FAM13C: variants seen among roughly 807,000 people sequenced by gnomAD.
The protein encoded by FAM13C is protein FAM13C.
Under a neutral mutation model 73.2 loss-of-function variants are expected in FAM13C, and 37 were observed. The observed-to-expected ratio is 0.51, with a 90% CI of 0.39 to 0.67. The LOEUF (loss-of-function observed/expected upper bound fraction) is 0.67. FAM13C is among the 30% of genes least tolerant of loss of function. FAM13C has a pLI of 0.00. For missense variants in FAM13C, 589 were observed against 715.6 expected (o/e 0.82, Z 2.02); for synonymous variants, 246 against 260.9 (o/e 0.94, Z 0.55).
chr10:59,352,559 T>C lies in FAM13C; in HGVS notation c.120-85A>G, dbSNP rs1056751432. On this transcript the variant is annotated intron_variant, in intron 2 of 13. Transcript: ENST00000618804. ...AGGAAAGAGGGCTGGAGATATTCAT[T>C]GCTGCTATATTTATAGGATAGACAC... 12 of 1,374,438 alleles carry C rather than the reference T, an allele frequency of 8.7e-6. No individual in the cohort carries two copies. In the African/African-American group the frequency reaches 1.6e-4, roughly 18 times the overall value. 85.1% of individuals were successfully genotyped at this position (1,374,438 alleles called of 1,614,324 possible). A position where few individuals can be genotyped will look rare whatever the true frequency, so the allele number is the denominator to read the frequency against.
chr10:59,279,166 AT>A (rs2052841765), intron 6 of FAM13C, among the ~76,000 whole-genome samples: 1 of 152,218 alleles, frequency 6.6e-6, no homozygotes, highest in South Asian at 2.1e-4. Flanking sequence ...AGTTTTTCAA[AT>A]GTAGGGATTC....
chr10:59,284,028 G>GGTGT (rs1419838075), intron 5 of FAM13C, among the ~76,000 whole-genome samples: 1 of 131,346 alleles, frequency 7.6e-6, no homozygotes, highest in Non-Finnish European at 1.6e-5. Flanking sequence ...GGTATGCTGG[G>GGTGT]GTATGTGTGT....
At chr10:59,318,487 A>G (rs564187653) in intron 4 of FAM13C, among the ~76,000 whole-genome samples, 3 of 152,248 alleles carry the variant, frequency 2.0e-5, no homozygotes, top group East Asian at 1.9e-4. Context: ...AGCATTTTCA[A>G]TGTTAGAGCC....
chr10:59,300,806 A>C (rs1028110842), intron 5 of FAM13C: 1 of 152,240 alleles, frequency 6.6e-6, no homozygotes, highest in African/African-American at 2.4e-5. Flanking sequence ...ATAGGAGAGT[A>C]GCGACTGGAA....
chr10:59,252,715 T>G, intron 12 of FAM13C, 84 bp downstream of exon 12: 1 of 1,404,102 alleles, frequency 7.1e-7, no homozygotes, highest in South Asian at 1.2e-5. Flanking sequence ...AGTCCAGCAT[T>G]TTCAAAGGCC....
chr10:59,295,307 C>T (rs1846774158), intron 5 of FAM13C, among the ~76,000 whole-genome samples: 1 of 152,218 alleles, frequency 6.6e-6, no homozygotes, highest in Non-Finnish European at 1.5e-5. Flanking sequence ...CTTTAAAATG[C>T]ACAGAGTTTC....
intron 4 of FAM13C, among the ~76,000 whole-genome samples, chr10:59,304,779 G>GGAAGA (rs1848013795): frequency 1.1e-5 from 1 of 87,458 alleles, no homozygotes; most frequent in South Asian, 5.6e-4. Context: ...GGAAGGGAAG[G>GGAAGA]GAAGGGAAGG....
Position 59,334,622 on chromosome 10 carries a change from G to A in FAM13C, c.325-10516C>T, listed in dbSNP as rs565773195. ...TGTCCTTTGTAGGGACATGGATGAAGCTGGAAACCATCATTCTCAGCAAAC... is the reference window on the plus strand; with the variant it reads ...TGTCCTTTGTAGGGACATGGATGAAACTGGAAACCATCATTCTCAGCAAAC... On this transcript the variant is annotated intron_variant, in intron 3 of 13. Coordinates refer to ENST00000618804, the MANE Select transcript of FAM13C (RefSeq NM_198215.4). Among the ~76,000 whole-genome samples, 6 of 152,164 alleles carry A rather than the reference G, an allele frequency of 3.9e-5. No individual in the cohort carries two copies. The East Asian group carries it at 1.2e-3, about 30-fold the overall frequency.
At chr10:59,350,843 C>T (rs2134249042) in intron 3 of FAM13C, among the ~76,000 whole-genome samples, 1 of 152,240 alleles carries the variant, frequency 6.6e-6, no homozygotes, top group Non-Finnish European at 1.5e-5. Context: ...AAAGTTATTA[C>T]AAAATTAACC....
chr10:59,308,893 G>T (rs957643246), intron 4 of FAM13C, among the ~76,000 whole-genome samples: 2 of 152,146 alleles, frequency 1.3e-5, no homozygotes, highest in Non-Finnish European at 2.9e-5. Flanking sequence ...CTCGCAGGAG[G>T]TGTACTGGAG....
chr10:59,254,876 G>A (rs963584897), intron 10 of FAM13C, among the ~76,000 whole-genome samples: 2 of 152,020 alleles, frequency 1.3e-5, no homozygotes, highest in Non-Finnish European at 2.9e-5. Flanking sequence ...TTACAGGTGT[G>A]AGCCACCGTG....
intron 5 of FAM13C, among the ~76,000 whole-genome samples, chr10:59,289,138 G>T (rs1181858435): frequency 6.6e-6 from 1 of 152,172 alleles, no homozygotes; most frequent in Non-Finnish European, 1.5e-5. Flanking sequence ...TCCTCAAAAG[G>T]AGCACGCAAC....
rs61861208 is a variant in FAM13C, at chr10:59,251,210, C to A, written c.1634+365G>T. 2,443 of 327,064 alleles carry A rather than the reference C, an allele frequency of 7.5e-3. 11 individuals are homozygous for A. The highest frequency in any genetic ancestry group is 0.026 in the Middle Eastern group (31 of 1,212). 20.3% of individuals were successfully genotyped at this position (327,064 alleles called of 1,614,324 possible). ...TATTATTTAATAAATTAGGGAGTAA[C>A]TTGTGGAACTAAGAAACCAACAACA... On this transcript the variant is annotated intron_variant, in intron 13 of 13. Coordinates refer to ENST00000618804, the MANE Select transcript of FAM13C (RefSeq NM_198215.4).
chr10:59,319,021 C>T (rs973460724), intron 4 of FAM13C, among the ~76,000 whole-genome samples: 2 of 151,624 alleles, frequency 1.3e-5, no homozygotes, highest in Non-Finnish European at 2.9e-5. Flanking sequence ...CTCATTAAGA[C>T]TCTGCTTACG....
At position 59,252,862 on chromosome 10, in the gene FAM13C, G is replaced by A; in HGVS notation, c.1469C>T (p.Pro490Leu). 6.2e-7 allele frequency: 1 copy of A among 1,614,058 alleles called. No homozygotes were observed. The highest frequency in any genetic ancestry group is 8.5e-7 in the Non-Finnish European group (1 of 1,179,994). Residue 490 changes from proline to leucine, a missense_variant, in exon 12 of 14, where the codon CCA becomes CTA. Coordinates refer to ENST00000618804, the MANE Select transcript of FAM13C (RefSeq NM_198215.4). ...TGGTTTTACTTCTTTCTTTTCATCT[G>A]GTAAAAGGGCCCTAACAGGCTCAGT... ...NETEPVRALL[P>L]DEKKEVKPPA...
At chr10:59,359,956 G>C (rs1856195304) in intron 1 of FAM13C, among the ~76,000 whole-genome samples, 2 of 152,222 alleles carry the variant, frequency 1.3e-5, no homozygotes, top group Non-Finnish European at 2.9e-5. Flanking sequence ...AAAAATATTA[G>C]ATGAAAAGGT....
At chr10:59,270,183 A>G in intron 6 of FAM13C, 74 bp from the exon 7 acceptor site, 1 of 1,422,212 alleles carries the variant, frequency 7.0e-7, no homozygotes, top group Non-Finnish European at 9.7e-7. Context: ...CTAAATAAAG[A>G]TCATAAGCAT....
chr10:59,325,696 T>C (rs1178146703), intron 3 of FAM13C, among the ~76,000 whole-genome samples: 1 of 152,098 alleles, frequency 6.6e-6, no homozygotes, highest in Non-Finnish European at 1.5e-5. Flanking sequence ...AATAATACCA[T>C]CAATTCCACA....
chr10:59,323,687 A>C (rs1850670325), intron 4 of FAM13C, among the ~76,000 whole-genome samples: 1 of 152,240 alleles, frequency 6.6e-6, no homozygotes, highest in Admixed American at 6.5e-5. Context: ...TCTAGCATAG[A>C]ATAAAGAATA....
Sources: allele counts gnomAD v4.1 joint callset (sites outside exome capture counted in the v4.1 genomes callset), GRCh38; gene constraint gnomAD v4.1.1; transcripts MANE v1.5; gene names NCBI Gene and HGNC (gene_info 2026-07-23, HGNC 2026-07-21).